Variants in CDCA5 observed in about 807,000 individuals in gnomAD.
CDCA5 encodes cell division cycle associated 5.
A neutral mutation model predicts 25.7 loss-of-function variants in CDCA5; 14 were observed. The ratio of observed to expected loss-of-function variants is 0.54; its 90% CI spans 0.36 to 0.85. The LOEUF (loss-of-function observed/expected upper bound fraction) is 0.85. Among genes scored for constraint, CDCA5 ranks in the 40% least tolerant of loss-of-function variants. The pLI, the probability that CDCA5 is intolerant of heterozygous loss-of-function variation, is 0.01. For missense variants in CDCA5, 307 were observed against 324.5 expected, an observed-to-expected ratio of 0.95 and a Z score of 0.41; for synonymous variants, 127 against 128.7, an observed-to-expected ratio of 0.99 and a Z score of 0.09.
At chr11:65,074,734 G>A (rs1185177369), downstream of CDCA5, among the ~76,000 whole-genome samples, 1 of 69,690 alleles carries the variant, frequency 1.4e-5, no homozygotes, top group Non-Finnish European at 2.5e-5. Flanking sequence ...GCCAGACCTT[G>A]TCTCAAAAAA....
chr11:65,071,838 G>A (rs1453607691), intron 1 of CDCA5, among the ~76,000 whole-genome samples: 1 of 152,156 alleles, frequency 6.6e-6, no homozygotes, highest in Non-Finnish European at 1.5e-5. Context: ...ACAGACAGAT[G>A]CTTAATTCAG....
chr11:65,069,717 A>G (rs1195717967), intron 1 of CDCA5, among the ~76,000 whole-genome samples: 1 of 152,240 alleles, frequency 6.6e-6, no homozygotes, highest in East Asian at 1.9e-4. Context: ...GATTTACACC[A>G]TGAAGAAAAA....
chr11:65,070,944 CTTTTTT>C lies in CDCA5; in HGVS notation c.64-2349_64-2344del, dbSNP rs56999278. On this transcript the variant is annotated intron_variant, in intron 1 of 6. Coordinates refer to the CDCA5 transcript ENST00000525464. ...AGTTTGGGATTTTGGATTTTCTTTT[CTTTTTT>C]TTTTTTTTTGAGACAGAGTCTCGCT... Among the ~76,000 whole-genome samples the C allele has an allele frequency of 9.4e-5, 13 of 138,398 alleles. No individual in the cohort carries two copies. In the South Asian group the frequency reaches 2.8e-3, roughly 29 times the overall value. 90.8% of individuals were successfully genotyped at this position (138,398 alleles called of 152,430 possible).
intron 4 of CDCA5, chr11:65,067,568 C>T (rs768580225): frequency 9.0e-4 from 660 of 734,484 alleles, no homozygotes; most frequent in Non-Finnish European, 1.2e-3. Context: ...TCACCAGCCA[C>T]GTGGGCCCTG....
intron 4 of CDCA5, among the ~76,000 whole-genome samples, chr11:65,081,467 C>T (rs1281686328): frequency 6.6e-6 from 1 of 151,656 alleles, no homozygotes; most frequent in East Asian, 1.9e-4. Context: ...AATTGGTGGT[C>T]ACTGCTGACT....
rs565024216 is a variant in CDCA5 at position 65,079,021 on chromosome 11, G to C, written c.*86C>G. 3 of 1,387,522 alleles carry C rather than the reference G, an allele frequency of 2.2e-6. No individual in the cohort carries two copies. In the South Asian group the frequency reaches 6.0e-5, roughly 28 times the overall value. The allele number at this position is 1,387,522 out of a possible 1,614,324, so 86.0% of individuals were successfully genotyped here. Reference sequence around the variant, plus strand: ...ACACACAGGTAACAAGACCAGGGGAGGGGACCCTAAGTGTCCTCTCCACAG... The same window carrying C: ...ACACACAGGTAACAAGACCAGGGGACGGGACCCTAAGTGTCCTCTCCACAG... On this transcript the variant is annotated 3_prime_UTR_variant, in exon 6 of 6. Transcript: ENST00000275517.
In CDCA5 at chr11:65,078,493, G is replaced by C. The variant is rs1304378935; in HGVS notation, c.*614C>G. On this transcript the variant is annotated 3_prime_UTR_variant, in exon 6 of 6. Coordinates refer to ENST00000275517, the MANE Select transcript of CDCA5 (RefSeq NM_080668.4). ...ACTTATGGTCTGAGACCCAACTAAG[G>C]CTCCCTACATCCTTCAAAACTCAGA... is the stretch of plus-strand genomic sequence containing the variant. 1.0e-6 allele frequency: 1 copy of C among 985,402 alleles called. No individual in the cohort carries two copies. Among genetic ancestry groups the C allele is most frequent in the Non-Finnish European group, 1.2e-6 (1 of 829,998 alleles). 61.0% of individuals were successfully genotyped at this position (985,402 alleles called of 1,614,324 possible).
chr11:65,067,826 G>A, intron 3 of CDCA5: 1 of 999,458 alleles, frequency 1.0e-6, no homozygotes, highest in Middle Eastern at 2.5e-4. Context: ...TGGTGTGGGG[G>A]TGCCCAGCCA....
downstream of CDCA5, among the ~76,000 whole-genome samples, chr11:65,075,825 G>A (rs557929826): frequency 7.9e-5 from 12 of 152,294 alleles, no homozygotes; most frequent in Admixed American, 3.3e-4. Flanking sequence ...GAGGCTACCC[G>A]GCAAGAGCAG....
In CDCA5 at chr11:65,078,980, T is replaced by C; in HGVS notation, c.*127A>G. Reference sequence around the variant, plus strand: ...AGCCCTCAAAGGCAGACAGTCCTCATGCGCAGCACCAGCACACACACAGGT... The same window carrying C: ...AGCCCTCAAAGGCAGACAGTCCTCACGCGCAGCACCAGCACACACACAGGT... On this transcript the variant is annotated 3_prime_UTR_variant, in exon 6 of 6. Transcript: ENST00000275517. 1 of 1,311,968 alleles carries C rather than the reference T, an allele frequency of 7.6e-7. No individual in the cohort carries two copies. The highest frequency in any genetic ancestry group is 2.7e-5 in the South Asian group (1 of 36,470). 81.3% of individuals were successfully genotyped at this position (1,311,968 alleles called of 1,614,324 possible).
Position 65,084,036 on chromosome 11 carries a change from G to A in CDCA5, c.-58C>T, listed in dbSNP as rs189412398. ...CGCCGCCCCGGGCGCGCGCCAACCGGGAAGGCCACTCGCTGCAAAAAACGT... is the reference window on the plus strand; with the variant it reads ...CGCCGCCCCGGGCGCGCGCCAACCGAGAAGGCCACTCGCTGCAAAAAACGT... On this transcript the variant is annotated 5_prime_UTR_variant, in exon 1 of 6. Transcript: ENST00000275517. The A allele has an allele frequency of 7.1e-4, 1,117 of 1,565,346 alleles. 7 individuals are homozygous for A. In the African/African-American group the frequency reaches 0.014, roughly 19 times the overall value.
intron 1 of CDCA5, chr11:65,068,608 G>C (rs1276353959): frequency 7.8e-7 from 1 of 1,283,490 alleles, no homozygotes; most frequent in East Asian, 5.6e-5. Context: ...GAGACTGAGA[G>C]AGACAGAAGC....
chr11:65,063,644 G>A (rs1226954204), downstream of CDCA5, among the ~76,000 whole-genome samples: 3 of 152,232 alleles, frequency 2.0e-5, no homozygotes, highest in African/African-American at 7.2e-5. Context: ...CACTAGGCAG[G>A]AGAGAGGCAT....
rs1410485469 is a variant in CDCA5 at position 65,083,384 on chromosome 11, A to AT, written c.222dup (p.Ser75IlefsTer7). The AT allele has an allele frequency of 6.2e-7, 1 of 1,614,070 alleles. No individual in the cohort carries two copies. Among genetic ancestry groups the AT allele is most frequent in the Non-Finnish European group, 8.5e-7 (1 of 1,180,036 alleles). ...CTCACCCTAGGGCTCCTGCGAGGTG[A>AT]TTGGACAGCTGGGACCTGCGGGGGA... On this transcript the variant is annotated frameshift_variant, in exon 4 of 6. Coordinates refer to ENST00000275517, the MANE Select transcript of CDCA5 (RefSeq NM_080668.4). LOFTEE classifies it high-confidence loss of function.
downstream of CDCA5, among the ~76,000 whole-genome samples, chr11:65,073,916 G>A (rs1330422436): frequency 6.6e-6 from 1 of 152,158 alleles, no homozygotes; most frequent in South Asian, 2.1e-4. Flanking sequence ...CATCACTCAA[G>A]GTGGAGAATC....
rs140400830 is a variant in CDCA5 at position 65,066,514 on chromosome 11, C to T, written c.563+38G>A. ...GCTCGAGTGAGCAGCATGGGGCAGCCGCCTCTTCCCTCCCCGCTGCCATGG... is the reference window on the plus strand; with the variant it reads ...GCTCGAGTGAGCAGCATGGGGCAGCTGCCTCTTCCCTCCCCGCTGCCATGG... On this transcript the variant is annotated intron_variant, in intron 6 of 6. Transcript: ENST00000525464. 1.3e-3 allele frequency: 1,652 copies of T among 1,289,140 alleles called. 18 individuals carry two copies. In the African/African-American group the frequency reaches 0.022, roughly 17 times the overall value. The allele number at this position is 1,289,140 out of a possible 1,614,324, so 79.9% of individuals were successfully genotyped here. A position where few individuals can be genotyped will look rare whatever the true frequency, so the allele number is the denominator to read the frequency against.
chr11:65,080,032 A>C (rs1033159680), intron 4 of CDCA5, among the ~76,000 whole-genome samples: 1 of 151,908 alleles, frequency 6.6e-6, no homozygotes, highest in Admixed American at 6.6e-5. Flanking sequence ...CTGGGACTAC[A>C]GGCGCCCGCC....
In CDCA5 at chr11:65,078,907, C is replaced by A. The variant is rs929341506; in HGVS notation, c.*200G>T. 1.6e-6 allele frequency: 2 copies of A among 1,253,756 alleles called. No homozygotes were observed. The highest frequency in any genetic ancestry group is 3.1e-5 in the African/African-American group (2 of 64,950). The allele number at this position is 1,253,756 out of a possible 1,614,324, so 77.7% of individuals were successfully genotyped here. On this transcript the variant is annotated 3_prime_UTR_variant, in exon 6 of 6. Coordinates refer to ENST00000275517, the MANE Select transcript of CDCA5 (RefSeq NM_080668.4). The stretch of plus-strand genomic sequence containing the variant: ...GACAGGACACCAGTGAGTGGCTGGG[C>A]CAGGCGGCCCCATTTCCTAAAACCA...
At chr11:65,071,534 C>T (rs1463123532) in intron 1 of CDCA5, among the ~76,000 whole-genome samples, 1 of 151,916 alleles carries the variant, frequency 6.6e-6, no homozygotes, top group East Asian at 1.9e-4. Context: ...AGGCTGGTCT[C>T]GAACCCCTAA....
Sources: gnomAD v4.1 joint callset for allele counts (sites outside exome capture counted in the v4.1 genomes callset) on GRCh38, gnomAD v4.1.1 for gene constraint, MANE v1.5 for transcripts, NCBI Gene and HGNC (gene_info 2026-07-23, HGNC 2026-07-21) for gene names.